Variants in ETS1 observed in about 807,000 individuals in gnomAD.
ETS1 encodes the protein ETS proto-oncogene 1, transcription factor, also known as protein C-ets-1.
Under a neutral mutation model 58.6 loss-of-function variants are expected in ETS1, and 15 were observed. That is an observed-to-expected ratio of 0.26 (90% CI 0.17 to 0.39). ETS1 has a LOEUF of 0.39. Among genes scored for constraint, ETS1 ranks in the 10% least tolerant of loss-of-function variants. The pLI is 1.00. For synonymous variants in ETS1, 214 were observed against 218.2 expected (o/e 0.98, Z 0.17); for missense variants, 417 against 610.5 (o/e 0.68, Z 3.34).
At chr11:128,490,714 ATTTTTTTTTTT>A in intron 3 of ETS1, 138 bp from the exon 4 acceptor site, 1 of 331,294 alleles carries the variant, frequency 3.0e-6, no homozygotes, top group Non-Finnish European at 5.5e-6. Context: ...AGAGCAGGCA[ATTTTTTTTTTT>A]TTTTTTTTTT....
chr11:128,543,543 G>A (rs1864087192), intron 3 of ETS1, among the ~76,000 whole-genome samples: 1 of 152,140 alleles, frequency 6.6e-6, no homozygotes, highest in African/African-American at 2.4e-5. Context: ...AAATCTACTG[G>A]TTGAGTTTTC....
At chr11:128,584,877 G>A (rs1030624705) in intron 1 of ETS1, among the ~76,000 whole-genome samples, 6 of 142,636 alleles carry the variant, frequency 4.2e-5, no homozygotes, top group Non-Finnish European at 7.6e-5. Flanking sequence ...GAGGGAAGAG[G>A]GAGAGAGAGA....
intron 2 of ETS1, among the ~76,000 whole-genome samples, chr11:128,561,123 G>A (rs1864398961): frequency 6.6e-6 from 1 of 152,190 alleles, no homozygotes; most frequent in Non-Finnish European, 1.5e-5. Context: ...GGGCAATGAG[G>A]ATGGTAGGAG....
chr11:128,469,825 A>G (rs1862136727), intron 8 of ETS1, among the ~76,000 whole-genome samples: 1 of 152,194 alleles, frequency 6.6e-6, no homozygotes, highest in African/African-American at 2.4e-5. Context: ...TCTGAGTTGT[A>G]TATTTTCTTT....
At chr11:128,466,133 C>T (rs747138843) in intron 8 of ETS1, among the ~76,000 whole-genome samples, 8 of 152,234 alleles carry the variant, frequency 5.3e-5, no homozygotes, top group Non-Finnish European at 1.2e-4. Flanking sequence ...CATCCGACCA[C>T]CAGTGGCCGT....
intron 3 of ETS1, among the ~76,000 whole-genome samples, chr11:128,507,212 T>A (rs1816310064): frequency 6.6e-6 from 1 of 151,958 alleles, no homozygotes; most frequent in Non-Finnish European, 1.5e-5. Flanking sequence ...TGGCCCTGAC[T>A]CAGATCGAGC....
chr11:128,514,257 A>G (rs2135505581), intron 3 of ETS1, among the ~76,000 whole-genome samples: 1 of 152,300 alleles, frequency 6.6e-6, no homozygotes, highest in Non-Finnish European at 1.5e-5. Context: ...CAAAAAAAAA[A>G]AGTTACCTAT....
chr11:128,484,785 GT>G, intron 7 of ETS1, 37 bp downstream of exon 7: 1 of 1,573,596 alleles, frequency 6.4e-7, no homozygotes, highest in South Asian at 1.2e-5. Context: ...GGTAATTCTT[GT>G]AAACCCAAGA....
At chr11:128,559,300 AG>A (rs987766089) in intron 2 of ETS1, among the ~76,000 whole-genome samples, 95 of 152,370 alleles carry the variant, frequency 6.2e-4, no homozygotes, top group African/African-American at 2.2e-3. Flanking sequence ...CAGAGAAGGT[AG>A]ATAATCGGTA....
intron 3 of ETS1, among the ~76,000 whole-genome samples, chr11:128,537,324 G>A (rs556739744): frequency 1.3e-5 from 2 of 152,142 alleles, no homozygotes; most frequent in East Asian, 3.9e-4. Flanking sequence ...AGGGGGAGAG[G>A]GAGGGAAAGC....
rs1861849653 is a variant in ETS1, at chr11:128,459,481, T to G, written c.*2880A>C. ...CAGGGCTCTATGTAGGGGAAGTCCC[T>G]CTCCAGAATGGAGAAGGGAACAAAA... On this transcript the variant is annotated 3_prime_UTR_variant, in exon 10 of 10. Coordinates refer to ENST00000392668, the MANE Select transcript of ETS1 (RefSeq NM_001143820.2). 1 of 152,644 alleles carries G rather than the reference T, an allele frequency of 6.6e-6. No individual in the cohort carries two copies. Among genetic ancestry groups the G allele is most frequent in the South Asian group, 2.1e-4 (1 of 4,822 alleles). The allele number at this position is 152,644 out of a possible 1,614,324, so 9.5% of individuals were successfully genotyped here. A position where few individuals can be genotyped will look rare whatever the true frequency, so the allele number is the denominator to read the frequency against.
chr11:128,570,415 T>C (rs996086538), intron 2 of ETS1, among the ~76,000 whole-genome samples: 2 of 152,098 alleles, frequency 1.3e-5, no homozygotes, highest in Non-Finnish European at 2.9e-5. Flanking sequence ...ATTTTTTTTG[T>C]ATTTTTAGCA....
intron 3 of ETS1, among the ~76,000 whole-genome samples, chr11:128,503,391 G>A (rs1260406564): frequency 9.9e-5 from 15 of 152,122 alleles, no homozygotes; most frequent in Non-Finnish European, 1.5e-5. Flanking sequence ...AGCCCCACAT[G>A]CTCTTCATCA....
chr11:128,524,344 T>C (rs982931816), intron 3 of ETS1, among the ~76,000 whole-genome samples: 2 of 152,184 alleles, frequency 1.3e-5, no homozygotes, highest in Non-Finnish European at 2.9e-5. Flanking sequence ...TGAGTGAATG[T>C]CCAAATCAAG....
At chr11:128,579,121 T>C (rs1024280828) in intron 1 of ETS1, among the ~76,000 whole-genome samples, 11 of 152,202 alleles carry the variant, frequency 7.2e-5, no homozygotes, top group African/African-American at 2.2e-4. Context: ...TCATAGGCAA[T>C]GAATTATGGT....
chr11:128,570,079 T>C (rs953590294), intron 2 of ETS1, among the ~76,000 whole-genome samples: 1 of 152,188 alleles, frequency 6.6e-6, no homozygotes, highest in Non-Finnish European at 1.5e-5. Context: ...AGTTATTTGG[T>C]TTGGGATTTT....
intron 8 of ETS1, among the ~76,000 whole-genome samples, chr11:128,476,363 G>A (rs1473204918): frequency 6.6e-6 from 1 of 152,222 alleles, no homozygotes; most frequent in Non-Finnish European, 1.5e-5. Context: ...ATCAGTCTAG[G>A]CAGGCAACTG....
At chr11:128,537,381 T>C (rs1863987577) in intron 3 of ETS1, among the ~76,000 whole-genome samples, 1 of 152,148 alleles carries the variant, frequency 6.6e-6, no homozygotes, top group African/African-American at 2.4e-5. Context: ...TTCCTACTTG[T>C]CTCCACTCAG....
rs1405140515 is a variant in ETS1 at position 128,579,219 on chromosome 11, AC to A, written c.-14-6076del. ...CAGAAAATGTAGATTTCTCCCCACC[AC>A]CCCTCACCCCAGCCTTTCCTCTTTG... On this transcript the variant is annotated intron_variant, in intron 1 of 9. Coordinates refer to ENST00000392668, the MANE Select transcript of ETS1 (RefSeq NM_001143820.2). 2.2e-4 allele frequency among the ~76,000 whole-genome samples: 33 copies of A among 152,222 alleles called. 1 individual carries two copies. The highest frequency in any genetic ancestry group is 2.2e-3 in the Admixed American group (33 of 15,296).
Sources: allele counts gnomAD v4.1 joint callset (sites outside exome capture counted in the v4.1 genomes callset), GRCh38; gene constraint gnomAD v4.1.1; transcripts MANE v1.5; gene names NCBI Gene and HGNC (gene_info 2026-07-23, HGNC 2026-07-21).